ZNF385D: variants seen among roughly 807,000 people sequenced by gnomAD.
ZNF385D encodes zinc finger protein 385D, also known as zinc finger protein 659.
A neutral mutation model predicts 35.8 loss-of-function variants in ZNF385D; 15 were observed. The ratio of observed to expected loss-of-function variants is 0.42; its 90% CI spans 0.28 to 0.64. The LOEUF (loss-of-function observed/expected upper bound fraction) is 0.64. Among genes scored for constraint, ZNF385D ranks in the 30% least tolerant of loss-of-function variants. The pLI is 0.23. For synonymous variants in ZNF385D, 212 were observed against 186.8 expected (o/e 1.13, Z -1.10); for missense variants, 474 against 494.6 (o/e 0.96, Z 0.39).
In ZNF385D at chr3:21,465,557, A is replaced by G. The variant is rs1703457332; in HGVS notation, c.440-28354T>C. ...AGGAGCGATACATGTTGATTATCAC[A>G]GGGCATAAGCCTGAATTTTCAAATA... is the stretch of plus-strand genomic sequence containing the variant. On this transcript the variant is annotated intron_variant, in intron 4 of 7. Transcript: ENST00000281523. This position sits in a 1 kb window ranked among gnomAD's most constrained non-coding sequence, Gnocchi z 4.2. Among the ~76,000 whole-genome samples the G allele has an allele frequency of 6.6e-6, 1 of 152,198 alleles. No individual in the cohort carries two copies. The highest frequency in any genetic ancestry group is 1.5e-5 in the Non-Finnish European group (1 of 68,052).
chr3:21,533,540 T>C (rs544255790), intron 3 of ZNF385D, among the ~76,000 whole-genome samples: 3 of 152,180 alleles, frequency 2.0e-5, no homozygotes, highest in South Asian at 4.2e-4. Flanking sequence ...GCATTTATCA[T>C]CCATCTATAT....
chr3:21,695,576 G>C (rs1425797846), intron 1 of ZNF385D, among the ~76,000 whole-genome samples: 1 of 152,138 alleles, frequency 6.6e-6, no homozygotes, highest in Non-Finnish European at 1.5e-5. Flanking sequence ...GATAATGCCA[G>C]ATGCTTCAAT....
chr3:21,433,161 A>G (rs1701382837), intron 5 of ZNF385D, among the ~76,000 whole-genome samples: 1 of 152,172 alleles, frequency 6.6e-6, no homozygotes, highest in African/African-American at 2.4e-5. Context: ...TATCACTTCT[A>G]GTCCATTCTG....
At chr3:21,896,540 CT>C (rs751241432) in intron 3 of ZNF385D, among the ~76,000 whole-genome samples, 20 of 152,194 alleles carry the variant, frequency 1.3e-4, no homozygotes, top group Admixed American at 9.8e-4. Context: ...TTTTTTCCCC[CT>C]GGTATATTTT....
At chr3:21,988,884 T>C (rs1279589539) in intron 3 of ZNF385D, among the ~76,000 whole-genome samples, 1 of 152,216 alleles carries the variant, frequency 6.6e-6, no homozygotes, top group African/African-American at 2.4e-5. Flanking sequence ...CGCCGTTTTT[T>C]AAGCCGGTCT....
At chr3:21,643,309 A>G (rs1346887165) in intron 2 of ZNF385D, among the ~76,000 whole-genome samples, 2 of 152,076 alleles carry the variant, frequency 1.3e-5, no homozygotes, top group Non-Finnish European at 2.9e-5. Context: ...AGAAGGTAAA[A>G]AGCTAGCATT....
chr3:21,991,472 A>C (rs547435432), intron 3 of ZNF385D, among the ~76,000 whole-genome samples: 1 of 152,322 alleles, frequency 6.6e-6, no homozygotes, highest in African/African-American at 2.4e-5. Context: ...ATTTGATAAA[A>C]CTGTGGTAAT....
At chr3:21,824,925 T>C (rs1245775399) in intron 3 of ZNF385D, among the ~76,000 whole-genome samples, 3 of 152,194 alleles carry the variant, frequency 2.0e-5, no homozygotes, top group Admixed American at 6.5e-5. Context: ...TATGATAATG[T>C]GGCATTTCAA....
intron 4 of ZNF385D, among the ~76,000 whole-genome samples, chr3:21,456,775 T>A (rs1414568554): frequency 6.6e-6 from 1 of 152,000 alleles, no homozygotes; most frequent in Non-Finnish European, 1.5e-5. Flanking sequence ...AACTTTGAGT[T>A]TCCTCTGCCA....
At chr3:21,977,396 T>C (rs532236906) in intron 3 of ZNF385D, among the ~76,000 whole-genome samples, 13 of 152,278 alleles carry the variant, frequency 8.5e-5, no homozygotes, top group African/African-American at 2.2e-4. Context: ...CCACAGCTAA[T>C]AAACTCCCTC....
rs1491256865 is a variant in ZNF385D at position 22,094,385 on chromosome 3, G to GAGATATAT, written c.325+74431_325+74432insATATATCT. On this transcript the variant is annotated intron_variant, in intron 3 of 5. Coordinates refer to the ZNF385D transcript ENST00000494108. Reference sequence around the variant, plus strand: ...CCATTGTCTTCTGTCATTTATTGTTGATATATATATATATATATATATATA... The same window carrying GAGATATAT: ...CCATTGTCTTCTGTCATTTATTGTTGAGATATATATATATATATATATATATATATATA... Among the ~76,000 whole-genome samples the GAGATATAT allele has an allele frequency of 5.2e-3, 365 of 70,810 alleles. 9 individuals carry two copies. The highest frequency in any genetic ancestry group is 0.014 in the African/African-American group (330 of 23,188). 46.5% of individuals were successfully genotyped at this position (70,810 alleles called of 152,430 possible). A position where few individuals can be genotyped will look rare whatever the true frequency, so the allele number is the denominator to read the frequency against.
intron 2 of ZNF385D, among the ~76,000 whole-genome samples, chr3:21,649,468 A>G (rs1225828180): frequency 6.6e-6 from 1 of 152,138 alleles, no homozygotes; most frequent in African/African-American, 2.4e-5. Context: ...TTGTCCAGCC[A>G]CATCAAGAAT....
intron 3 of ZNF385D, among the ~76,000 whole-genome samples, chr3:22,128,103 G>T (rs543595348): frequency 6.6e-6 from 1 of 152,210 alleles, no homozygotes; most frequent in Admixed American, 6.5e-5. Context: ...TTGTTTGTCT[G>T]GGAAGCTCTT....
chr3:21,422,671 G>C (rs1488946284), intron 7 of ZNF385D, among the ~76,000 whole-genome samples: 1 of 152,186 alleles, frequency 6.6e-6, no homozygotes, highest in Non-Finnish European at 1.5e-5. Context: ...TCTGGGATGA[G>C]AGGTTGGTTC....
At chr3:21,717,985 T>C (rs2068390273) in intron 1 of ZNF385D, among the ~76,000 whole-genome samples, 2 of 152,242 alleles carry the variant, frequency 1.3e-5, no homozygotes, top group South Asian at 2.1e-4. Flanking sequence ...GACTGGTGAG[T>C]TGCATCTCAA....
intron 2 of ZNF385D, among the ~76,000 whole-genome samples, chr3:22,324,597 G>A (rs1292490744): frequency 6.6e-6 from 1 of 152,084 alleles, no homozygotes; most frequent in Non-Finnish European, 1.5e-5. Context: ...GCATGCTAAA[G>A]ATTTCAGTAT....
intron 2 of ZNF385D, among the ~76,000 whole-genome samples, chr3:22,208,512 AAATG>A (rs1697304058): frequency 6.6e-6 from 1 of 151,790 alleles, no homozygotes; most frequent in Non-Finnish European, 1.5e-5. Flanking sequence ...AGTTGGAAAA[AAATG>A]AATGTCTACA....
chr3:21,760,877 ATAATT>A (rs1209726035), intron 3 of ZNF385D, among the ~76,000 whole-genome samples: 6 of 152,210 alleles, frequency 3.9e-5, no homozygotes, highest in African/African-American at 9.6e-5. Context: ...TATTTTAAAT[ATAATT>A]TATTTATATT....
intron 3 of ZNF385D, among the ~76,000 whole-genome samples, chr3:21,919,143 C>T (rs1264815679): frequency 6.6e-6 from 1 of 152,168 alleles, no homozygotes; most frequent in Non-Finnish European, 1.5e-5. Context: ...AAAGGATTTA[C>T]AGAATGTTGA....
Sources: gnomAD v4.1 joint callset for allele counts (sites outside exome capture counted in the v4.1 genomes callset) on GRCh38, gnomAD v4.1.1 for gene constraint, Gnocchi (gnomAD v3.1) non-coding constraint, MANE v1.5 for transcripts, NCBI Gene and HGNC (gene_info 2026-07-23, HGNC 2026-07-21) for gene names.